The following ARMC9 variants were observed in gnomAD, a reference collection of about 807,000 sequenced individuals.
ARMC9 encodes the protein armadillo repeat containing 9.
Under a neutral mutation model 107.0 loss-of-function variants are expected in ARMC9, and 94 were observed. That is an observed-to-expected ratio of 0.88 (90% CI 0.74 to 1.04). The LOEUF (loss-of-function observed/expected upper bound fraction) is 1.04. Among genes scored for constraint, ARMC9 ranks in the 50% least tolerant of loss-of-function variants. The pLI is 0.00. For synonymous variants in ARMC9, 380 were observed against 396.9 expected (o/e 0.96, Z 0.51); for missense variants, 942 against 1,030.1 (o/e 0.91, Z 1.17).
At chr2:231,359,783 C>T (rs1418122133) in intron 22 of ARMC9, among the ~76,000 whole-genome samples, 1 of 152,222 alleles carries the variant, frequency 6.6e-6, no homozygotes, top group Admixed American at 6.5e-5. Context: ...CAGGTGGAGA[C>T]CGCCCAGTGC....
rs1021866820 is a variant in ARMC9 at position 231,235,473 on chromosome 2, C to T, written c.780+92C>T. ...TGTTGATATGGCAGGTGGAGCCTGC[C>T]TCTCTCCATTCCAAGCCAGTGGCGC... On this transcript the variant is annotated intron_variant, in intron 8 of 24. Coordinates refer to ENST00000611582, the MANE Select transcript of ARMC9 (RefSeq NM_001352754.2). 2.8e-6 allele frequency: 4 copies of T among 1,453,178 alleles called. No individual in the cohort carries two copies. In the African/African-American group the frequency reaches 4.2e-5, roughly 15 times the overall value. 90.0% of individuals were successfully genotyped at this position (1,453,178 alleles called of 1,614,324 possible).
At position 231,214,858 on chromosome 2, in the gene ARMC9, G is replaced by A. The variant is rs750247691; in HGVS notation, c.205G>A (p.Gly69Arg). The change falls in exon 4 of 25, where the codon GGA becomes AGA. Residue 69 changes from glycine to arginine, a missense_variant. Gly to Arg is a moderately radical substitution (Grantham distance 125, BLOSUM62 -2). Coordinates refer to ENST00000611582, the MANE Select transcript of ARMC9 (RefSeq NM_001352754.2). ...GGATCTTGTCGCTGCATTTGACAAC[G>A]GAGACCAGAAGGTGTTCTTCGATCT... ...QKDLVAAFDNGDQKVFFDLWE... is the reference protein window; with the variant it reads ...QKDLVAAFDNRDQKVFFDLWE... 3.3e-5 allele frequency: 54 copies of A among 1,613,974 alleles called. No homozygotes were observed. The highest frequency in any genetic ancestry group is 4.4e-5 in the Non-Finnish European group (52 of 1,180,020).
chr2:231,327,645 A>G (rs2043418112), intron 19 of ARMC9, among the ~76,000 whole-genome samples: 1 of 152,210 alleles, frequency 6.6e-6, no homozygotes, highest in Non-Finnish European at 1.5e-5. Context: ...ACATTCATAT[A>G]CAGATTTTTG....
intron 8 of ARMC9, among the ~76,000 whole-genome samples, chr2:231,237,444 G>A (rs1369109855): frequency 6.6e-6 from 1 of 152,018 alleles, no homozygotes; most frequent in Non-Finnish European, 1.5e-5. Flanking sequence ...AAATGTTGCA[G>A]TGAACATCCT....
chr2:231,205,632 T>G (rs936090830), intron 1 of ARMC9, among the ~76,000 whole-genome samples: 1 of 152,194 alleles, frequency 6.6e-6, no homozygotes, highest in African/African-American at 2.4e-5. Flanking sequence ...CTTTAGCCAT[T>G]GTATTTCCTA....
At chr2:231,329,926 G>A (rs2043608373) in intron 19 of ARMC9, among the ~76,000 whole-genome samples, 1 of 152,158 alleles carries the variant, frequency 6.6e-6, no homozygotes, top group African/African-American at 2.4e-5. Flanking sequence ...CATCTGTATG[G>A]CTTTTATTTG....
chr2:231,285,397 G>A (rs1380314072), intron 17 of ARMC9, among the ~76,000 whole-genome samples: 1 of 151,836 alleles, frequency 6.6e-6, no homozygotes, highest in African/African-American at 2.4e-5. Context: ...TGTAATCCTA[G>A]CACTTTGGGA....
Position 231,262,410 on chromosome 2 carries a change from G to A in ARMC9, c.1119+12G>A. 1.2e-6 allele frequency: 2 copies of A among 1,610,838 alleles called. No homozygotes were observed. Among genetic ancestry groups the A allele is most frequent in the Non-Finnish European group, 1.7e-6 (2 of 1,176,992 alleles). ...ATAGCCACAACCAGGTTGGTAAGAG[G>A]TGGGGCCAGATCCCAGCCAGGGCCT... On this transcript the variant is annotated intron_variant, in intron 12 of 24. Transcript: ENST00000611582.
At chr2:231,354,365 G>C (rs2045245403) in intron 21 of ARMC9, among the ~76,000 whole-genome samples, 1 of 142,204 alleles carries the variant, frequency 7.0e-6, no homozygotes, top group Non-Finnish European at 1.5e-5. Flanking sequence ...ACTTTGGGTT[G>C]AGCCATGTGA....
chr2:231,308,253 G>T (rs531228939), intron 19 of ARMC9, among the ~76,000 whole-genome samples: 3 of 152,354 alleles, frequency 2.0e-5, no homozygotes, highest in African/African-American at 7.2e-5. Context: ...GCTTTCTCCC[G>T]TGTATTCCCC....
intron 8 of ARMC9, among the ~76,000 whole-genome samples, chr2:231,237,209 C>T (rs991125658): frequency 9.8e-6 from 1 of 101,760 alleles, no homozygotes; most frequent in Non-Finnish European, 2.1e-5. Context: ...TGTGTGTGTA[C>T]ACACATGCGT....
Position 231,235,898 on chromosome 2 carries a change from T to C in ARMC9, c.780+517T>C, listed in dbSNP as rs562303846. ...CTCAGGTGATCCGCCAGCCTTGGCC[T>C]CCCAAAGTGCTGGTATTACAAATGT... On this transcript the variant is annotated intron_variant, in intron 8 of 24. Coordinates refer to ENST00000611582, the MANE Select transcript of ARMC9 (RefSeq NM_001352754.2). Among the ~76,000 whole-genome samples, 50 of 152,324 alleles carry C rather than the reference T, an allele frequency of 3.3e-4. 1 individual carries two copies. Among genetic ancestry groups the C allele is most frequent in the African/African-American group, 1.2e-3 (48 of 41,584 alleles).
rs1197776332 is a variant in ARMC9 at position 231,358,420 on chromosome 2, T to G, written c.2132-2334T>G. ...TCTCTCTGTGCTGCCCAGGCTGGTCTTGAACCCTTGGGCTCAAGCGATCCT... is the reference window on the plus strand; with the variant it reads ...TCTCTCTGTGCTGCCCAGGCTGGTCGTGAACCCTTGGGCTCAAGCGATCCT... On this transcript the variant is annotated intron_variant, in intron 22 of 24. Coordinates refer to ENST00000611582, the MANE Select transcript of ARMC9 (RefSeq NM_001352754.2). This position sits in a 1 kb window ranked among gnomAD's most constrained non-coding sequence, Gnocchi z 4.5. Among the ~76,000 whole-genome samples the G allele has an allele frequency of 6.6e-6, 1 of 152,166 alleles. No individual in the cohort carries two copies. Among genetic ancestry groups the G allele is most frequent in the Non-Finnish European group, 1.5e-5 (1 of 68,024 alleles).
At chr2:231,214,500 C>T (rs777424284) in intron 3 of ARMC9, among the ~76,000 whole-genome samples, 25 of 152,196 alleles carry the variant, frequency 1.6e-4, no homozygotes, top group Non-Finnish European at 3.5e-4. Flanking sequence ...TGTGGGTCAG[C>T]AGGTCCAAAG....
chr2:231,309,829 AT>A (rs2125509781), intron 19 of ARMC9, among the ~76,000 whole-genome samples: 1 of 152,190 alleles, frequency 6.6e-6, no homozygotes, highest in South Asian at 2.1e-4. Flanking sequence ...CCAACTAATT[AT>A]TTCAGTCTTA....
intron 16 of ARMC9, among the ~76,000 whole-genome samples, chr2:231,280,892 G>A (rs1209501424): frequency 2.0e-5 from 3 of 152,138 alleles, no homozygotes; most frequent in Non-Finnish European, 4.4e-5. Context: ...TAGTTCAATC[G>A]GGAACTGAAA....
chr2:231,344,252 T>C (rs1266224667), intron 20 of ARMC9, among the ~76,000 whole-genome samples: 2 of 152,204 alleles, frequency 1.3e-5, no homozygotes, highest in African/African-American at 4.8e-5. Context: ...TCAATCTCTC[T>C]AATTAGTGTT....
rs897139219 is a variant in ARMC9 at position 231,297,597 on chromosome 2, C to T, written c.1773+1344C>T. Among the ~76,000 whole-genome samples the T allele has an allele frequency of 9.9e-5, 15 of 152,170 alleles. No individual in the cohort carries two copies. ...GGACGCTAAAAATTTGAATTTCATA[C>T]AATTTTTGCATGTCATTAAATATTC... is the stretch of plus-strand genomic sequence containing the variant. On this transcript the variant is annotated intron_variant, in intron 19 of 24. Transcript: ENST00000611582. The surrounding 1 kb of genome is among the most constrained non-coding windows in gnomAD (Gnocchi z 4.2).
At chr2:231,361,460 T>TAAAAAAAAAAAAAAAAAAAAAAAAACAA (rs567342793) in intron 23 of ARMC9, among the ~76,000 whole-genome samples, 1 of 87,642 alleles carries the variant, frequency 1.1e-5, no homozygotes, top group African/African-American at 4.3e-5. Flanking sequence ...ATCAAAAAAC[T>TAAAAAAAAAAAAAAAAAAAAAAAAACAA]AAAAAAAAAA....
Sources: allele counts gnomAD v4.1 joint callset (sites outside exome capture counted in the v4.1 genomes callset), GRCh38; gene constraint gnomAD v4.1.1; non-coding constraint Gnocchi (gnomAD v3.1); transcripts MANE v1.5; gene names NCBI Gene and HGNC (gene_info 2026-07-23, HGNC 2026-07-21).